UPB1: variants seen among roughly 807,000 people sequenced by gnomAD.
The protein encoded by UPB1 is beta-ureidopropionase 1.
In UPB1, 40 loss-of-function variants were observed where a neutral mutation model predicts 49.1. That is an observed-to-expected ratio of 0.81 (90% CI 0.63 to 1.06). The LOEUF is 1.06. Ranked by LOEUF, UPB1 falls within the 50% of genes least tolerant of loss-of-function variation. The pLI, the probability that UPB1 is intolerant of heterozygous loss-of-function variation, is 0.00. For missense variants in UPB1, 499 were observed against 505.9 expected, an observed-to-expected ratio of 0.99 and a Z score of 0.13; for synonymous variants, 207 against 198.2, an observed-to-expected ratio of 1.04 and a Z score of -0.38.
intron 3 of UPB1, among the ~76,000 whole-genome samples, chr22:24,509,602 G>C (rs932492684): frequency 1.3e-5 from 2 of 152,056 alleles, no homozygotes; most frequent in African/African-American, 4.8e-5. Context: ...GGGTCCCAGT[G>C]CCATCCCCAG....
intron 4 of UPB1, among the ~76,000 whole-genome samples, chr22:24,511,851 C>T (rs1035650673): frequency 5.9e-5 from 9 of 151,962 alleles, no homozygotes; most frequent in African/African-American, 1.7e-4. Context: ...CTCCTGACCT[C>T]GTGATCCGCC....
chr22:24,520,798 C>A (rs570327461), intron 7 of UPB1, among the ~76,000 whole-genome samples: 1 of 152,272 alleles, frequency 6.6e-6, no homozygotes, highest in African/African-American at 2.4e-5. Context: ...CCTTATTAAT[C>A]AGATAGCAAA....
chr22:24,509,233 A>G (rs1170122004), intron 3 of UPB1, among the ~76,000 whole-genome samples: 1 of 152,146 alleles, frequency 6.6e-6, no homozygotes, highest in African/African-American at 2.4e-5. Context: ...CACATAGCCA[A>G]AGGTCCCAAG....
chr22:24,508,891 G>GAA (rs370430159), intron 3 of UPB1, among the ~76,000 whole-genome samples: 1 of 150,878 alleles, frequency 6.6e-6, no homozygotes, highest in Admixed American at 6.6e-5. Flanking sequence ...CAAAAGAAAA[G>GAA]AAAAAAAGAA....
intron 3 of UPB1, among the ~76,000 whole-genome samples, chr22:24,509,361 G>GAAAAAAAAAAAAAAAAA (rs202081655): frequency 2.4e-4 from 22 of 92,166 alleles, no homozygotes; most frequent in South Asian, 4.5e-4. Flanking sequence ...CCTACTGTTT[G>GAAAAAAAAAAAAAAAAA]AAAAAAAAAA....
intron 2 of UPB1, among the ~76,000 whole-genome samples, chr22:24,501,778 C>G (rs1012208327): frequency 5.3e-5 from 8 of 152,162 alleles, no homozygotes; most frequent in Admixed American, 4.6e-4. Flanking sequence ...GAGTCCCGGG[C>G]CAAGGGGGTG....
At chr22:24,513,867 G>A (rs903493043) in intron 5 of UPB1, among the ~76,000 whole-genome samples, 9 of 152,158 alleles carry the variant, frequency 5.9e-5, no homozygotes, top group South Asian at 2.1e-4. Flanking sequence ...AGCCTAGCAC[G>A]CCACAGCCCT....
intron 1 of UPB1, among the ~76,000 whole-genome samples, chr22:24,499,373 C>A (rs2043948121): frequency 1.3e-5 from 2 of 152,210 alleles, no homozygotes; most frequent in African/African-American, 4.8e-5. Context: ...GCCTCTGTGG[C>A]TTTCACCTTC....
intron 1 of UPB1, among the ~76,000 whole-genome samples, chr22:24,497,988 A>G (rs1418504813): frequency 1.3e-5 from 2 of 152,142 alleles, no homozygotes; most frequent in East Asian, 3.8e-4. Context: ...GCTGTAACCA[A>G]CATCTGGCTG....
rs2044491457 is a variant in UPB1 at position 24,527,539 on chromosome 22, G to C, written c.*1745G>C. The stretch of plus-strand genomic sequence containing the variant: ...CAAATAGCAGTTAACCAGAGTATCG[G>C]GTTGGAGGTGGGGTTGAGATTCTGT... On this transcript the variant is annotated 3_prime_UTR_variant, in exon 10 of 10. Coordinates refer to ENST00000326010, the MANE Select transcript of UPB1 (RefSeq NM_016327.3). 1 of 152,172 alleles carries C rather than the reference G, an allele frequency of 6.6e-6. No individual in the cohort carries two copies. The highest frequency in any genetic ancestry group is 6.5e-5 in the Admixed American group (1 of 15,274). The allele number at this position is 152,172 out of a possible 1,614,324, so 9.4% of individuals were successfully genotyped here.
At chr22:24,495,689 G>A (rs1164023674) in intron 1 of UPB1, among the ~76,000 whole-genome samples, 182 bp downstream of exon 1, 1 of 152,098 alleles carries the variant, frequency 6.6e-6, no homozygotes, top group Non-Finnish European at 1.5e-5. Flanking sequence ...GGGGGTTGCA[G>A]AATCCTGGCG....
chr22:24,517,570 C>T (rs2044318760), intron 6 of UPB1, among the ~76,000 whole-genome samples: 1 of 152,178 alleles, frequency 6.6e-6, no homozygotes, highest in African/African-American at 2.4e-5. Context: ...GTGCAGAGGC[C>T]CTCCCTGACC....
At chr22:24,500,575 G>A (rs1021853632) in intron 2 of UPB1, among the ~76,000 whole-genome samples, 3 of 152,166 alleles carry the variant, frequency 2.0e-5, no homozygotes, top group African/African-American at 4.8e-5. Context: ...TGGCCTGCTC[G>A]TGCTCTCCAC....
intron 4 of UPB1, among the ~76,000 whole-genome samples, chr22:24,513,017 A>T (rs112381594): frequency 6.6e-6 from 1 of 152,158 alleles, no homozygotes; most frequent in African/African-American, 2.4e-5. Flanking sequence ...TGCTTTCAAT[A>T]CTTTTGGATA....
At chr22:24,511,449 A>C (rs1291122642) in intron 4 of UPB1, among the ~76,000 whole-genome samples, 2 of 151,980 alleles carry the variant, frequency 1.3e-5, no homozygotes, top group African/African-American at 2.4e-5. Flanking sequence ...ATGTTCTAAA[A>C]TTAGATAGTG....
At chr22:24,501,342 T>G (rs2043991430) in intron 2 of UPB1, among the ~76,000 whole-genome samples, 1 of 152,136 alleles carries the variant, frequency 6.6e-6, no homozygotes, top group Non-Finnish European at 1.5e-5. Flanking sequence ...AACAAACGCT[T>G]TTGAATGTCT....
chr22:24,498,505 A>G (rs556489457), intron 1 of UPB1, among the ~76,000 whole-genome samples: 2 of 152,334 alleles, frequency 1.3e-5, no homozygotes, highest in South Asian at 4.1e-4. Flanking sequence ...GGGAGGAGGT[A>G]GAGCCCCAAA....
chr22:24,510,809 C>T lies in UPB1; in HGVS notation c.425C>T (p.Ala142Val). 6.2e-7 allele frequency: 1 copy of T among 1,614,188 alleles called. No homozygotes were observed. Residue 142 changes from alanine (A) to valine (V), a missense_variant, in exon 4 of 10, where the codon GCA becomes GTA. By Grantham distance (64) the Ala-to-Val change is moderately conservative. Coordinates refer to ENST00000326010, the MANE Select transcript of UPB1 (RefSeq NM_016327.3). The stretch of plus-strand genomic sequence containing the variant: ...CCTTGGACAGAATTTGCTGAGTCAG[C>T]AGAGGATGGGCCCACCACCAGATTC... ...KLPWTEFAES[A>V]EDGPTTRFCQ...
chr22:24,520,172 G>A (rs2044362524), intron 6 of UPB1: 3 of 613,478 alleles, frequency 4.9e-6, no homozygotes, highest in Admixed American at 5.2e-5. Flanking sequence ...AGGGCAAGGT[G>A]CTGAGGACAG....
Sources: gnomAD v4.1 joint callset for allele counts (sites outside exome capture counted in the v4.1 genomes callset) on GRCh38, gnomAD v4.1.1 for gene constraint, MANE v1.5 for transcripts, NCBI Gene and HGNC (gene_info 2026-07-23, HGNC 2026-07-21) for gene names.